Variants in MYH9 observed in about 807,000 individuals in gnomAD.
MYH9 encodes myosin-9.
MYH9 carries 29 observed loss-of-function variants against 241.9 expected under a neutral mutation model. The observed-to-expected ratio is 0.12, with a 90% confidence interval of 0.09 to 0.16. The LOEUF (loss-of-function observed/expected upper bound fraction) is 0.16. Ranked by LOEUF, MYH9 falls within the 10% of genes least tolerant of loss-of-function variation. MYH9 has a pLI of 1.00. For synonymous variants in MYH9, 1,047 were observed against 1,062.6 expected (o/e 0.99, Z 0.29); for missense variants, 1,803 against 2,595.5 (o/e 0.69, Z 6.63).
At chr22:36,299,567 G>A (rs1024655628) in intron 23 of MYH9, among the ~76,000 whole-genome samples, 8 of 152,116 alleles carry the variant, frequency 5.3e-5, no homozygotes, top group South Asian at 4.2e-4. Flanking sequence ...TCCCAGTCCC[G>A]GGTGGGCGTC....
chr22:36,354,019 G>A (rs1183326459), intron 1 of MYH9, among the ~76,000 whole-genome samples: 1 of 152,134 alleles, frequency 6.6e-6, no homozygotes, highest in East Asian at 1.9e-4. Flanking sequence ...TCCCACCTCA[G>A]CCTCCCGAGT....
chr22:36,302,303 A>G (rs1002537721), intron 20 of MYH9: 2 of 362,298 alleles, frequency 5.5e-6, no homozygotes, highest in South Asian at 5.8e-5. Flanking sequence ...TTTTTTTTTT[A>G]AAGGCCAGGA....
chr22:36,294,335 T>G (rs1355424711), intron 27 of MYH9, 37 bp from the exon 28 acceptor site: 1 of 1,602,830 alleles, frequency 6.2e-7, no homozygotes, highest in Non-Finnish European at 8.5e-7. Flanking sequence ...AGTGGGGGCC[T>G]CCTGACACAA....
rs2017383463 is a variant in MYH9, at chr22:36,329,209, G to C, written c.491-1721C>G. 6.6e-6 allele frequency among the ~76,000 whole-genome samples: 1 copy of C among 152,140 alleles called. No homozygotes were observed. The highest frequency in any genetic ancestry group is 2.1e-4 in the South Asian group (1 of 4,826). On this transcript the variant is annotated intron_variant, in intron 3 of 40. Transcript: ENST00000216181. The surrounding 1 kb of genome is among the most constrained non-coding windows in gnomAD (Gnocchi z 4.1). ...AAACACACCCCACACCCTGCTCTCTGATGTGGAAACTACTCAGGAGGCAAG... is the reference window on the plus strand; with the variant it reads ...AAACACACCCCACACCCTGCTCTCTCATGTGGAAACTACTCAGGAGGCAAG...
At chr22:36,315,217 G>A in intron 12 of MYH9, among the ~76,000 whole-genome samples, 1 of 152,102 alleles carries the variant, frequency 6.6e-6, no homozygotes, top group East Asian at 1.9e-4. Context: ...GATTTCTATT[G>A]GTGACAGATC....
chr22:36,287,192 C>T (rs960384432), intron 34 of MYH9, among the ~76,000 whole-genome samples: 28 of 152,240 alleles, frequency 1.8e-4, no homozygotes, highest in Non-Finnish European at 2.9e-5. Context: ...GGTCCATCCC[C>T]ACCACAGGCA....
In MYH9 at chr22:36,330,355, A is replaced by G. The variant is rs2017402940; in HGVS notation, c.491-2867T>C. ...AATCCACCGGCCGGATGCACCACGA[A>G]TCGTACCATGGCCCCATGCAACCGA... On this transcript the variant is annotated intron_variant, in intron 3 of 40. Transcript: ENST00000216181. This position sits in a 1 kb window ranked among gnomAD's most constrained non-coding sequence, Gnocchi z 4.5. Among the ~76,000 whole-genome samples, 1 of 152,194 alleles carries G rather than the reference A, an allele frequency of 6.6e-6. No homozygotes were observed. Among genetic ancestry groups the G allele is most frequent in the African/African-American group, 2.4e-5 (1 of 41,436 alleles).
chr22:36,354,026 G>A (rs1047219525), intron 1 of MYH9, among the ~76,000 whole-genome samples: 5 of 152,028 alleles, frequency 3.3e-5, no homozygotes, highest in Non-Finnish European at 2.9e-5. Flanking sequence ...TCAGCCTCCC[G>A]AGTAGCTGGC....
chr22:36,356,855 G>A (rs1340956977), intron 1 of MYH9, among the ~76,000 whole-genome samples: 1 of 152,220 alleles, frequency 6.6e-6, no homozygotes, highest in African/African-American at 2.4e-5. Context: ...CTTCTGTCCT[G>A]TTCACTGCTG....
chr22:36,380,795 T>C (rs568971248), intron 1 of MYH9, among the ~76,000 whole-genome samples: 1 of 152,118 alleles, frequency 6.6e-6, no homozygotes, highest in South Asian at 2.1e-4. Flanking sequence ...TGTGAGGGCC[T>C]GGGTTGGGCT....
At chr22:36,286,266 G>A (rs561379405) in intron 35 of MYH9, among the ~76,000 whole-genome samples, 1 of 152,334 alleles carries the variant, frequency 6.6e-6, no homozygotes, top group African/African-American at 2.4e-5. Context: ...GCCCCTCCCT[G>A]TTCTGGGTAA....
At chr22:36,372,494 C>CA (rs57031494) in intron 1 of MYH9, among the ~76,000 whole-genome samples, 2,067 of 71,612 alleles carry the variant, frequency 0.029, 19 homozygotes, top group Middle Eastern at 0.053. Flanking sequence ...CCCTGTCTCT[C>CA]AAAAAAAAAA....
At chr22:36,352,541 C>T (rs928912776) in intron 1 of MYH9, among the ~76,000 whole-genome samples, 15 of 152,208 alleles carry the variant, frequency 9.9e-5, no homozygotes, top group African/African-American at 3.4e-4. Context: ...CCTGGAAATC[C>T]GCTCTGGAGG....
chr22:36,336,533 G>C (rs1252933665), intron 3 of MYH9, among the ~76,000 whole-genome samples: 6 of 152,224 alleles, frequency 3.9e-5, no homozygotes, highest in Admixed American at 3.9e-4. Flanking sequence ...CAAAGCCTTT[G>C]GTGCCATCAC....
chr22:36,285,308 G>A lies in MYH9; in HGVS notation c.5296C>T (p.Leu1766=). 4 of 1,611,650 alleles carry A rather than the reference G, an allele frequency of 2.5e-6. No individual in the cohort carries two copies. The highest frequency in any genetic ancestry group is 3.4e-6 in the Non-Finnish European group (4 of 1,180,026). ...NLQIDQINTD[L]NLERSHAQKN... is the part of the protein sequence containing the mutation. ...TGGGCGTGGCTGCGCTCCAGGTTCA[G>A]GTCGGTGTTGATCTGGTCGATCTGC... is the stretch of plus-strand genomic sequence containing the variant. The change falls in exon 38 of 41, where the codon CTG becomes TTG. Residue 1766 remains leucine, a synonymous_variant. Coordinates refer to ENST00000216181, the MANE Select transcript of MYH9 (RefSeq NM_002473.6). This position sits in a 1 kb window ranked among gnomAD's most constrained non-coding sequence, Gnocchi z 7.0.
At position 36,282,027 on chromosome 22, in the gene MYH9, G is replaced by A. The variant is rs967768930; in HGVS notation, c.*641C>T. The A allele has an allele frequency of 8.5e-6, 2 of 234,366 alleles. No individual in the cohort carries two copies. Among genetic ancestry groups the A allele is most frequent in the Non-Finnish European group, 1.7e-5 (2 of 118,528 alleles). 14.5% of individuals were successfully genotyped at this position (234,366 alleles called of 1,614,324 possible). On this transcript the variant is annotated 3_prime_UTR_variant, in exon 41 of 41. Coordinates refer to ENST00000216181, the MANE Select transcript of MYH9 (RefSeq NM_002473.6). ...ACATTTTAGAATCAGGAGGGAGACA[G>A]CGGACAGTGGCGCTGCCTGGGACAG...
Position 36,320,743 on chromosome 22 carries a change from G to GC in MYH9, c.868+54dup. On this transcript the variant is annotated intron_variant, in intron 8 of 40. Transcript: ENST00000216181. The surrounding 1 kb of genome is among the most constrained non-coding windows in gnomAD (Gnocchi z 4.8). Reference sequence around the variant, plus strand: ...AAATGATGTCTACGGTCCAATTCTGGCAAGAGGCCCAGAGCCCGGCAGCCC... The same window carrying GC: ...AAATGATGTCTACGGTCCAATTCTGGCCAAGAGGCCCAGAGCCCGGCAGCCC... 1 of 1,468,596 alleles carries GC rather than the reference G, an allele frequency of 6.8e-7. No homozygotes were observed. 91.0% of individuals were successfully genotyped at this position (1,468,596 alleles called of 1,614,324 possible).
intron 1 of MYH9, among the ~76,000 whole-genome samples, chr22:36,351,473 C>A (rs2017764603): frequency 6.6e-6 from 1 of 152,160 alleles, no homozygotes; most frequent in African/African-American, 2.4e-5. Context: ...ATACCAGGAG[C>A]AGCCTCCAGG....
Position 36,306,144 on chromosome 22 carries a change from A to G in MYH9, c.2038-93T>C. 1.9e-6 allele frequency: 3 copies of G among 1,585,092 alleles called. No individual in the cohort carries two copies. The highest frequency in any genetic ancestry group is 2.6e-6 in the Non-Finnish European group (3 of 1,165,138). ...ACCCCTATGAACCTGACAGGGCAAG[A>G]GCCTAAGGGAGGGGGTCGCTACAGC... On this transcript the variant is annotated intron_variant, in intron 16 of 40. Transcript: ENST00000216181. The surrounding 1 kb of genome is among the most constrained non-coding windows in gnomAD (Gnocchi z 4.1).
Sources: allele counts gnomAD v4.1 joint callset (sites outside exome capture counted in the v4.1 genomes callset), GRCh38; gene constraint gnomAD v4.1.1; non-coding constraint Gnocchi (gnomAD v3.1); transcripts MANE v1.5; gene names NCBI Gene and HGNC (gene_info 2026-07-23, HGNC 2026-07-21).